The following HLF variants were observed in gnomAD, a reference collection of about 807,000 sequenced individuals.
HLF encodes the protein hepatic leukemia factor.
Under a neutral mutation model 22.6 loss-of-function variants are expected in HLF, and 3 were observed. That is an observed-to-expected ratio of 0.13 (90% CI 0.06 to 0.34). The LOEUF (loss-of-function observed/expected upper bound fraction) is 0.34, where lower values mean the gene tolerates loss of function less well. Ranked by LOEUF, HLF falls within the 10% of genes least tolerant of loss-of-function variation. The pLI is 1.00. For missense variants in HLF, 299 were observed against 389.2 expected (o/e 0.77, Z 1.95); for synonymous variants, 151 against 151.8 (o/e 0.99, Z 0.04).
chr17:55,315,149 A>T, intron 2 of HLF, 78 bp from the exon 3 acceptor site: 2 of 1,042,046 alleles, frequency 1.9e-6, no homozygotes, highest in Non-Finnish European at 1.5e-6. Flanking sequence ...CTTACCACTC[A>T]TCTCAGAGCA....
chr17:55,267,417 A>T (rs2080802611), intron 1 of HLF, among the ~76,000 whole-genome samples: 1 of 152,218 alleles, frequency 6.6e-6, no homozygotes, highest in Admixed American at 6.5e-5. Flanking sequence ...GTATATAATC[A>T]CAGATGTTAT....
chr17:55,277,277 G>A (rs181423689), intron 2 of HLF, among the ~76,000 whole-genome samples: 2 of 143,190 alleles, frequency 1.4e-5, no homozygotes, highest in African/African-American at 5.4e-5. Context: ...GTGTGTGTGC[G>A]CGCGCATGTG....
At chr17:55,296,146 A>G (rs1480116890) in intron 2 of HLF, among the ~76,000 whole-genome samples, 2 of 152,154 alleles carry the variant, frequency 1.3e-5, no homozygotes, top group African/African-American at 2.4e-5. Flanking sequence ...TGGGTATGAC[A>G]TGGTGTGAAT....
rs2145382352 is a variant in HLF at position 55,322,162 on chromosome 17, T to C, written c.*1283T>C. 1 of 202,666 alleles carries C rather than the reference T, an allele frequency of 4.9e-6. No homozygotes were observed. The allele number at this position is 202,666 out of a possible 1,614,324, so 12.6% of individuals were successfully genotyped here. A position where few individuals can be genotyped will look rare whatever the true frequency, so the allele number is the denominator to read the frequency against. ...TTTGAACGTATGTGCTCTTATAAAG[T>C]GGACTTCTGAAAAATGAATGTAAAA... is the stretch of plus-strand genomic sequence containing the variant. On this transcript the variant is annotated 3_prime_UTR_variant, in exon 4 of 4. Transcript: ENST00000226067.
chr17:55,282,268 G>C (rs1210524039), intron 2 of HLF, among the ~76,000 whole-genome samples: 1 of 152,180 alleles, frequency 6.6e-6, no homozygotes, highest in Non-Finnish European at 1.5e-5. Flanking sequence ...CCAGGTTTTT[G>C]AGTTGCTGGA....
intron 2 of HLF, among the ~76,000 whole-genome samples, chr17:55,301,168 A>G (rs954466746): frequency 4.6e-5 from 7 of 152,052 alleles, no homozygotes; most frequent in African/African-American, 1.7e-4. Context: ...CAACCTTTCA[A>G]CTCCAACCTG....
intron 2 of HLF, among the ~76,000 whole-genome samples, chr17:55,286,198 G>A (rs2081002521): frequency 1.3e-5 from 2 of 152,368 alleles, no homozygotes; most frequent in South Asian, 2.1e-4. Flanking sequence ...AGGAACTTCA[G>A]CAAGCCGCCT....
rs1488441408 is a variant in HLF, at chr17:55,318,208, G to A, written c.673-2456G>A. ...ATGGAGTGCCAAGTTTATCAGCCCC[G>A]CTCAAAATCCCGCTTCCCCCCTGCC... On this transcript the variant is annotated intron_variant, in intron 3 of 3. Transcript: ENST00000226067. Among the ~76,000 whole-genome samples, 4 of 152,080 alleles carry A rather than the reference G, an allele frequency of 2.6e-5. 1 individual carries two copies. The highest frequency in any genetic ancestry group is 3.9e-4 in the East Asian group (2 of 5,186).
At chr17:55,283,296 A>G (rs182587915) in intron 2 of HLF, among the ~76,000 whole-genome samples, 301 of 152,182 alleles carry the variant, frequency 2.0e-3, no homozygotes, top group Non-Finnish European at 2.1e-3. Flanking sequence ...TCATCTTGCA[A>G]CTGGCTCTGA....
In HLF at chr17:55,277,362, T is replaced by C. The variant is rs1174725032; in HGVS notation, c.451+9276T>C. 5.3e-5 allele frequency among the ~76,000 whole-genome samples: 8 copies of C among 151,782 alleles called. No individual in the cohort carries two copies. The East Asian group carries it at 1.6e-3, about 30-fold the overall frequency. On this transcript the variant is annotated intron_variant, in intron 2 of 3. Transcript: ENST00000226067. ...ATGTCTCAGTGATACAAATAGTACC[T>C]GATTGTAAGGATTACCTGGGGCAGT...
At chr17:55,307,147 CTTTTTTTTTTT>C (rs35828509) in intron 2 of HLF, among the ~76,000 whole-genome samples, 1 of 70,124 alleles carries the variant, frequency 1.4e-5, no homozygotes, top group Non-Finnish European at 2.5e-5. Flanking sequence ...TCTCAGCGGC[CTTTTTTTTTTT>C]TTTTTTTTTT....
At chr17:55,283,043 T>C (rs2080967907) in intron 2 of HLF, among the ~76,000 whole-genome samples, 1 of 152,040 alleles carries the variant, frequency 6.6e-6, no homozygotes, top group South Asian at 2.1e-4. Context: ...AAATAAATTA[T>C]CTGGCTGGAA....
chr17:55,289,939 A>G (rs884303), intron 2 of HLF, among the ~76,000 whole-genome samples: 65,070 of 151,982 alleles, frequency 0.43, 14,528 homozygotes, highest in East Asian at 0.77. Flanking sequence ...CTCATTCATT[A>G]GAATTCTGCG....
At chr17:55,275,076 A>G (rs2080893701) in intron 2 of HLF, among the ~76,000 whole-genome samples, 1 of 152,068 alleles carries the variant, frequency 6.6e-6, no homozygotes, top group South Asian at 2.1e-4. Flanking sequence ...AATAAACAAA[A>G]TGCATTTTGA....
chr17:55,307,841 A>C (rs970928144), intron 2 of HLF, among the ~76,000 whole-genome samples: 4 of 152,018 alleles, frequency 2.6e-5, no homozygotes, highest in Admixed American at 1.3e-4. Context: ...AAAAAAAAAA[A>C]AAAAACATCA....
chr17:55,301,990 T>C (rs190503158), intron 2 of HLF, among the ~76,000 whole-genome samples: 13 of 152,336 alleles, frequency 8.5e-5, no homozygotes, highest in Non-Finnish European at 1.8e-4. Flanking sequence ...TTAACAGTGG[T>C]GGGCAAACTG....
chr17:55,292,697 T>G (rs2081075225), intron 2 of HLF, among the ~76,000 whole-genome samples: 1 of 152,202 alleles, frequency 6.6e-6, no homozygotes, highest in Non-Finnish European at 1.5e-5. Context: ...ATTCCATGTT[T>G]ATTGCAGCAC....
rs561824553 is a variant in HLF at position 55,292,183 on chromosome 17, C to T, written c.452-23044C>T. On this transcript the variant is annotated intron_variant, in intron 2 of 3. Transcript: ENST00000226067. ...TAGCAGTGGCAGGGTTTGAGAGGAT[C>T]GACTCCAATTTTGAAAGAGGTTCTA... Among the ~76,000 whole-genome samples the T allele has an allele frequency of 7.9e-5, 12 of 152,276 alleles. 1 individual carries two copies. The South Asian group carries it at 1.9e-3, about 24-fold the overall frequency.
In HLF at chr17:55,277,241, ATGTGTGTG is replaced by A. The variant is rs60023059; in HGVS notation, c.451+9182_451+9189del. Among the ~76,000 whole-genome samples the A allele has an allele frequency of 3.6e-3, 368 of 101,844 alleles. 3 individuals are homozygous for A. Among genetic ancestry groups the A allele is most frequent in the East Asian group, 0.015 (52 of 3,450 alleles). The allele number at this position is 101,844 out of a possible 152,430, so 66.8% of individuals were successfully genotyped here. ...GTATATTGAACCAGATGTTATGTGTATGTGTGTGTGTGTGTGTGTGTGTGTGTGTGTGT... is the reference window on the plus strand; with the variant it reads ...GTATATTGAACCAGATGTTATGTGTATGTGTGTGTGTGTGTGTGTGTGTGT... On this transcript the variant is annotated intron_variant, in intron 2 of 3. Coordinates refer to ENST00000226067, the MANE Select transcript of HLF (RefSeq NM_002126.5).
Sources: gnomAD v4.1 joint callset for allele counts (sites outside exome capture counted in the v4.1 genomes callset) on GRCh38, gnomAD v4.1.1 for gene constraint, MANE v1.5 for transcripts, NCBI Gene and HGNC (gene_info 2026-07-23, HGNC 2026-07-21) for gene names.